Variants in CACNA1A observed in about 807,000 individuals in gnomAD.
The protein encoded by CACNA1A is calcium voltage-gated channel subunit alpha1 A.
CACNA1A carries 57 observed loss-of-function variants against 262.4 expected under a neutral mutation model. The observed-to-expected ratio is 0.22, with a 90% CI of 0.18 to 0.27. CACNA1A has a LOEUF of 0.27. Among genes scored for constraint, CACNA1A ranks in the 10% least tolerant of loss-of-function variants. The probability of loss-of-function intolerance (pLI) is 1.00; values close to 1 mark genes in which losing one functional copy is unlikely to be tolerated. For synonymous variants in CACNA1A, 1,431 were observed against 1,419.3 expected (o/e 1.01, Z -0.18); for missense variants, 2,526 against 3,562.8 (o/e 0.71, Z 7.41).
At chr19:13,330,694 G>A (rs1043326774) in intron 9 of CACNA1A, among the ~76,000 whole-genome samples, 4 of 152,116 alleles carry the variant, frequency 2.6e-5, no homozygotes, top group Admixed American at 2.0e-4. Flanking sequence ...GAGTTCAAGC[G>A]ATTCTCCTCC....
rs1427804936 is a variant in CACNA1A at position 13,446,445 on chromosome 19, T to TC, written c.539+6430_539+6431insG. On this transcript the variant is annotated intron_variant, in intron 3 of 46. Coordinates refer to ENST00000360228, the MANE Select transcript of CACNA1A (RefSeq NM_001127222.2). ...TGTGCGCGCGTGTTTTTTCTTTCTT[T>TC]TTTTTTTTTTTTTTGAGACAGAGTC... Among the ~76,000 whole-genome samples, 148 of 138,642 alleles carry TC rather than the reference T, an allele frequency of 1.1e-3. 2 individuals carry two copies. In the East Asian group the frequency reaches 0.015, roughly 14 times the overall value. 91.0% of individuals were successfully genotyped at this position (138,642 alleles called of 152,430 possible). A position where few individuals can be genotyped will look rare whatever the true frequency, so the allele number is the denominator to read the frequency against.
At chr19:13,465,099 T>G (rs1482911816) in intron 1 of CACNA1A, among the ~76,000 whole-genome samples, 2 of 151,950 alleles carry the variant, frequency 1.3e-5, no homozygotes, top group African/African-American at 4.8e-5. Flanking sequence ...TGGCTAATTT[T>G]TTGTATTTTT....
At position 13,240,610 on chromosome 19, in the gene CACNA1A, A is replaced by AC. The variant is rs1568452655; in HGVS notation, c.4950+4571_4950+4572insG. Among the ~76,000 whole-genome samples, 301 of 141,144 alleles carry AC rather than the reference A, an allele frequency of 2.1e-3. 7 individuals are homozygous for AC. Among genetic ancestry groups the AC allele is most frequent in the African/African-American group, 7.7e-3 (285 of 37,078 alleles). The allele number at this position is 141,144 out of a possible 152,430, so 92.6% of individuals were successfully genotyped here. ...GTGCAGTGACTGTGTGTGCGCAGTG[A>AC]TTGTGTGTGTGCAGTGTGTGTGCAG... is the stretch of plus-strand genomic sequence containing the variant. On this transcript the variant is annotated intron_variant, in intron 31 of 46. Transcript: ENST00000360228.
At chr19:13,464,543 A>ATTTTTT (rs540418372) in intron 1 of CACNA1A, among the ~76,000 whole-genome samples, 2,038 of 128,834 alleles carry the variant, frequency 0.016, 100 homozygotes, top group African/African-American at 0.06. Context: ...AACTTTTCCA[A>ATTTTTT]TTTTTTTTTT....
Position 13,244,675 on chromosome 19 carries a change from C to T in CACNA1A, c.4950+507G>A, listed in dbSNP as rs537266746. On this transcript the variant is annotated intron_variant, in intron 31 of 46. Coordinates refer to ENST00000360228, the MANE Select transcript of CACNA1A (RefSeq NM_001127222.2). ...TCCCATGTTGAGAGTCTCCCAGGCC[C>T]GGGGCTAGAGGAGGGAAGACACCCT... 233 of 153,964 alleles carry T rather than the reference C, an allele frequency of 1.5e-3. 4 individuals carry two copies. Among genetic ancestry groups the T allele is most frequent in the Admixed American group, 0.014 (213 of 15,650 alleles). The allele number at this position is 153,964 out of a possible 1,614,324, so 9.5% of individuals were successfully genotyped here.
At chr19:13,482,375 C>A (rs1351903609) in intron 1 of CACNA1A, among the ~76,000 whole-genome samples, 1 of 151,052 alleles carries the variant, frequency 6.6e-6, no homozygotes, top group Non-Finnish European at 1.5e-5. Context: ...CCCAGCTACT[C>A]GGGAGGCTGA....
intron 19 of CACNA1A, among the ~76,000 whole-genome samples, chr19:13,293,476 C>T (rs1017011806): frequency 8.3e-4 from 99 of 118,992 alleles, no homozygotes; most frequent in African/African-American, 2.9e-3. Flanking sequence ...GATGGAGTCT[C>T]GCTCTGTCTC....
At chr19:13,465,353 A>C (rs912683766) in intron 1 of CACNA1A, among the ~76,000 whole-genome samples, 1 of 152,180 alleles carries the variant, frequency 6.6e-6, no homozygotes, top group South Asian at 2.1e-4. Context: ...TGTGTGGTCC[A>C]CTCACTGAAT....
chr19:13,292,512 G>T (rs963121508), intron 19 of CACNA1A, among the ~76,000 whole-genome samples: 1 of 152,084 alleles, frequency 6.6e-6, no homozygotes, highest in African/African-American at 2.4e-5. Flanking sequence ...TGCTCGGGAG[G>T]CTGAGGTGGG....
At position 13,334,497 on chromosome 19, in the gene CACNA1A, G is replaced by C. The variant is rs201056216; in HGVS notation, c.1083-4C>G. 183 of 1,562,828 alleles carry C rather than the reference G, an allele frequency of 1.2e-4. No homozygotes were observed. The African/African-American group carries it at 2.4e-3, about 20-fold the overall frequency. ...TTCCCTTTCTTTGGCAAACTCCCTG[G>C]AGAAGCATAGAAAAGCCAGAGTATG... is the stretch of plus-strand genomic sequence containing the variant. On this transcript the variant is annotated splice_polypyrimidine_tract_variant and splice_region_variant and intron_variant, in intron 7 of 46. Coordinates refer to ENST00000360228, the MANE Select transcript of CACNA1A (RefSeq NM_001127222.2).
In CACNA1A at chr19:13,497,556, ATATATATATATATATAT is replaced by A. The variant is rs1568709911; in HGVS notation, c.293+8359_293+8375del. ...TATATATATATATATATATATATAT[ATATATATATATATATAT>A]ATATATAAATTTATGTTGTTAAAGC... On this transcript the variant is annotated intron_variant, in intron 1 of 46. Coordinates refer to ENST00000360228, the MANE Select transcript of CACNA1A (RefSeq NM_001127222.2). Among the ~76,000 whole-genome samples the A allele has an allele frequency of 8.3e-5, 5 of 60,472 alleles. 1 individual carries two copies. The highest frequency in any genetic ancestry group is 3.3e-4 in the African/African-American group (5 of 15,024). The allele number at this position is 60,472 out of a possible 152,430, so 39.7% of individuals were successfully genotyped here. A position where few individuals can be genotyped will look rare whatever the true frequency, so the allele number is the denominator to read the frequency against.
intron 1 of CACNA1A, among the ~76,000 whole-genome samples, chr19:13,498,925 C>G (rs1480308347): frequency 1.3e-5 from 2 of 152,176 alleles, no homozygotes; most frequent in Non-Finnish European, 2.9e-5. Context: ...GGTCACCCTA[C>G]TCAGATAAGA....
intron 3 of CACNA1A, among the ~76,000 whole-genome samples, chr19:13,409,177 C>T (rs1026580727): frequency 3.3e-5 from 5 of 152,046 alleles, no homozygotes; most frequent in Non-Finnish European, 7.4e-5. Flanking sequence ...TTTGCTTTCC[C>T]GAATGATGGA....
chr19:13,369,016 C>T (rs960404593), intron 4 of CACNA1A, among the ~76,000 whole-genome samples: 21 of 126,676 alleles, frequency 1.7e-4, no homozygotes, highest in Non-Finnish European at 7.8e-5. Context: ...CCAGCCTGGG[C>T]GACAGAGCGA....
At chr19:13,298,450 A>AT in intron 19 of CACNA1A, 94 bp downstream of exon 19, 3 of 1,197,872 alleles carry the variant, frequency 2.5e-6, no homozygotes, top group Non-Finnish European at 3.5e-6. Context: ...TTTATAATAT[A>AT]TTTTTATAAA....
chr19:13,502,356 G>A (rs1433478689), intron 1 of CACNA1A, among the ~76,000 whole-genome samples: 1 of 152,238 alleles, frequency 6.6e-6, no homozygotes, highest in Admixed American at 6.5e-5. Context: ...GTGTTCCTCC[G>A]ATGGCCTGAG....
At chr19:13,429,381 G>A (rs376739743) in intron 3 of CACNA1A, among the ~76,000 whole-genome samples, 1 of 151,708 alleles carries the variant, frequency 6.6e-6, no homozygotes, top group African/African-American at 2.4e-5. Flanking sequence ...TAAAACAAGA[G>A]GTATTTTGAG....
At position 13,474,380 on chromosome 19, in the gene CACNA1A, A is replaced by G. The variant is rs535675725; in HGVS notation, c.294-19168T>C. 9.8e-5 allele frequency among the ~76,000 whole-genome samples: 15 copies of G among 152,334 alleles called. No individual in the cohort carries two copies. The East Asian group carries it at 2.7e-3, about 27-fold the overall frequency. On this transcript the variant is annotated intron_variant, in intron 1 of 46. Transcript: ENST00000360228. ...TAATTTGCGACTATGGCCGATTCCCATAAGACTCAAGGAAGATGGAAGACA... is the reference window on the plus strand; with the variant it reads ...TAATTTGCGACTATGGCCGATTCCCGTAAGACTCAAGGAAGATGGAAGACA...
In CACNA1A at chr19:13,231,865, G is replaced by T; in HGVS notation, c.5250-5C>A. ...CAAGCTTCCCCGGTGGCACTCCTGA[G>T]GACAGGGAGAAATCAGAGACTCGGA... On this transcript the variant is annotated splice_region_variant and splice_polypyrimidine_tract_variant and intron_variant, in intron 34 of 46. Coordinates refer to ENST00000360228, the MANE Select transcript of CACNA1A (RefSeq NM_001127222.2). The T allele has an allele frequency of 1.2e-6, 2 of 1,610,424 alleles. No homozygotes were observed. The highest frequency in any genetic ancestry group is 1.7e-6 in the Non-Finnish European group (2 of 1,177,144).
Sources: allele counts gnomAD v4.1 joint callset (sites outside exome capture counted in the v4.1 genomes callset), GRCh38; gene constraint gnomAD v4.1.1; transcripts MANE v1.5; gene names NCBI Gene and HGNC (gene_info 2026-07-23, HGNC 2026-07-21).